PEX14: variants seen among roughly 807,000 people sequenced by gnomAD.
The protein encoded by PEX14 is peroxisomal membrane protein PEX14.
Under a neutral mutation model 49.5 loss-of-function variants are expected in PEX14, and 15 were observed. The observed-to-expected ratio is 0.30, with a 90% CI of 0.20 to 0.47. The LOEUF is 0.47. Ranked by LOEUF, PEX14 falls within the 20% of genes least tolerant of loss-of-function variation. The pLI, the probability that PEX14 is intolerant of heterozygous loss-of-function variation, is 1.00. For synonymous variants in PEX14, 210 were observed against 212.7 expected, an observed-to-expected ratio of 0.99 and a Z score of 0.11; for missense variants, 398 against 494.8, an observed-to-expected ratio of 0.80 and a Z score of 1.86.
rs36083022 is a variant in PEX14, at chr1:10,629,621, G to A, written c.768G>A (p.Val256=). Residue 256 remains valine, a synonymous_variant, in exon 9 of 9, where the codon GTG becomes GTA. Coordinates refer to ENST00000356607, the MANE Select transcript of PEX14 (RefSeq NM_004565.3). This position sits in a 1 kb window ranked among gnomAD's most constrained non-coding sequence, Gnocchi z 8.5. ...KSPSPSSPAA[V]NHHSSSDISP... Reference sequence around the variant, plus strand: ...CGTCACCCTCCAGCCCTGCGGCCGTGAACCACCACAGCAGCAGCGACATCT... The same window carrying A: ...CGTCACCCTCCAGCCCTGCGGCCGTAAACCACCACAGCAGCAGCGACATCT... The A allele has an allele frequency of 0.014, 23,271 of 1,613,660 alleles. 193 individuals carry two copies. Among genetic ancestry groups the A allele is most frequent in the Non-Finnish European group, 0.018 (20,957 of 1,179,826 alleles).
chr1:10,614,154 G>T (rs1345369871), intron 4 of PEX14, among the ~76,000 whole-genome samples: 1 of 152,204 alleles, frequency 6.6e-6, no homozygotes, highest in Non-Finnish European at 1.5e-5. Context: ...GCAGTAGCCT[G>T]GTCTGTTACC....
In PEX14 at chr1:10,495,457, C is replaced by A; in HGVS notation, c.84+136C>A. The A allele has an allele frequency of 1.4e-6, 1 of 732,204 alleles. No individual in the cohort carries two copies. The allele number at this position is 732,204 out of a possible 1,614,324, so 45.4% of individuals were successfully genotyped here. On this transcript the variant is annotated intron_variant, in intron 2 of 8. Transcript: ENST00000356607. This position sits in a 1 kb window ranked among gnomAD's most constrained non-coding sequence, Gnocchi z 4.2. ...GCTGTTACCTAGAGACTGCCTCTGT[C>A]AGTGACCTCTGACTTCTCTTCTCGC...
intron 3 of PEX14, among the ~76,000 whole-genome samples, chr1:10,563,307 A>G (rs1383610061): frequency 6.7e-6 from 1 of 149,866 alleles, no homozygotes; most frequent in Non-Finnish European, 1.5e-5. Flanking sequence ...CACTTTAAAA[A>G]TGTTATTTCA....
At chr1:10,530,632 C>T (rs1279558239) in intron 2 of PEX14, among the ~76,000 whole-genome samples, 2 of 152,226 alleles carry the variant, frequency 1.3e-5, no homozygotes, top group Non-Finnish European at 2.9e-5. Context: ...TGAATTTTGG[C>T]TGACCGAGCC....
At chr1:10,477,554 G>A (rs1358279263) in intron 1 of PEX14, among the ~76,000 whole-genome samples, 2 of 152,164 alleles carry the variant, frequency 1.3e-5, no homozygotes, top group Non-Finnish European at 2.9e-5. Context: ...ATTCCCCCAC[G>A]CCTTGTTGTG....
chr1:10,564,602 T>C (rs1304291485), intron 3 of PEX14, among the ~76,000 whole-genome samples: 12 of 148,458 alleles, frequency 8.1e-5, no homozygotes, highest in Admixed American at 5.4e-4. Context: ...TTTCTTTTTT[T>C]TTTTTTTTTT....
At chr1:10,583,764 G>A (rs1279622027) in intron 3 of PEX14, among the ~76,000 whole-genome samples, 1 of 152,114 alleles carries the variant, frequency 6.6e-6, no homozygotes, top group Non-Finnish European at 1.5e-5. Context: ...GCAAAAACTT[G>A]AAGAAAACGA....
At chr1:10,593,281 T>C (rs563912713) in intron 3 of PEX14, among the ~76,000 whole-genome samples, 30 of 152,366 alleles carry the variant, frequency 2.0e-4, no homozygotes, top group African/African-American at 6.7e-4. Flanking sequence ...CTTGGTTAGA[T>C]ATCTTTCTTT....
chr1:10,621,170 C>G (rs1344582031), intron 5 of PEX14, among the ~76,000 whole-genome samples: 1 of 150,190 alleles, frequency 6.7e-6, no homozygotes, highest in East Asian at 1.9e-4. Context: ...TCTAAAGCAT[C>G]TGCTCAGTTT....
Position 10,587,895 on chromosome 1 carries a change from C to CTTTTTT in PEX14, c.170-11323_170-11318dup, listed in dbSNP as rs762006360. On this transcript the variant is annotated intron_variant, in intron 3 of 8. Coordinates refer to ENST00000356607, the MANE Select transcript of PEX14 (RefSeq NM_004565.3). ...ACACACATATGTATACACACATGTG[C>CTTTTTT]TTTTTTTTTTTTTTTTTTTTTTTTT... is the stretch of plus-strand genomic sequence containing the variant. 5.5e-4 allele frequency among the ~76,000 whole-genome samples: 30 copies of CTTTTTT among 54,374 alleles called. 1 individual carries two copies. In the East Asian group the frequency reaches 0.018, roughly 33 times the overall value. The allele number at this position is 54,374 out of a possible 152,430, so 35.7% of individuals were successfully genotyped here. A position where few individuals can be genotyped will look rare whatever the true frequency, so the allele number is the denominator to read the frequency against.
intron 2 of PEX14, among the ~76,000 whole-genome samples, chr1:10,518,883 G>C (rs1003823950): frequency 6.6e-6 from 1 of 152,064 alleles, no homozygotes; most frequent in Non-Finnish European, 1.5e-5. Context: ...TGTTAGTGCC[G>C]GTGAAGGGGA....
intron 2 of PEX14, among the ~76,000 whole-genome samples, chr1:10,497,202 G>A (rs894782839): frequency 2.0e-5 from 3 of 152,172 alleles, no homozygotes; most frequent in Non-Finnish European, 4.4e-5. Flanking sequence ...GCTGAGTCGC[G>A]TGGTCTTGTG....
Position 10,507,506 on chromosome 1 carries a change from C to T in PEX14, c.84+12185C>T, listed in dbSNP as rs533048674. Among the ~76,000 whole-genome samples the T allele has an allele frequency of 5.3e-5, 8 of 152,284 alleles. No individual in the cohort carries two copies. In the South Asian group the frequency reaches 1.7e-3, roughly 32 times the overall value. The stretch of plus-strand genomic sequence containing the variant: ...TGTGCCTCCTTGTGCTCAGAGGAGG[C>T]GTCTGCACCCATGTACCTCACTAAT... On this transcript the variant is annotated intron_variant, in intron 2 of 8. Transcript: ENST00000356607.
rs1458770721 is a variant in PEX14 at position 10,623,617 on chromosome 1, C to T, written c.487+496C>T. On this transcript the variant is annotated intron_variant, in intron 6 of 8. Coordinates refer to ENST00000356607, the MANE Select transcript of PEX14 (RefSeq NM_004565.3). This position sits in a 1 kb window ranked among gnomAD's most constrained non-coding sequence, Gnocchi z 4.4. ...CCCAGATTAGCTGGGACCTGTCGCG[C>T]CAGAGGTGGCTTCTCTTCTTTATAA... Among the ~76,000 whole-genome samples, 1 of 152,214 alleles carries T rather than the reference C, an allele frequency of 6.6e-6. No homozygotes were observed. Among genetic ancestry groups the T allele is most frequent in the Non-Finnish European group, 1.5e-5 (1 of 68,044 alleles).
intron 3 of PEX14, among the ~76,000 whole-genome samples, chr1:10,568,524 ATAT>A (rs1472774113): frequency 6.6e-6 from 1 of 152,128 alleles, no homozygotes; most frequent in Non-Finnish European, 1.5e-5. Context: ...AATCATTATT[ATAT>A]TATTAATATG....
At chr1:10,594,636 T>C (rs1317104592) in intron 3 of PEX14, among the ~76,000 whole-genome samples, 1 of 152,230 alleles carries the variant, frequency 6.6e-6, no homozygotes, top group Non-Finnish European at 1.5e-5. Flanking sequence ...CTGTCTTCTG[T>C]CATCTGTCTT....
chr1:10,569,873 A>T (rs1245788938), intron 3 of PEX14, among the ~76,000 whole-genome samples: 1 of 152,050 alleles, frequency 6.6e-6, no homozygotes, highest in Non-Finnish European at 1.5e-5. Flanking sequence ...TGAAAGCTTT[A>T]CCGCTTGTCT....
chr1:10,624,231 A>G, intron 6 of PEX14, 109 bp from the exon 7 acceptor site: 1 of 798,726 alleles, frequency 1.3e-6, no homozygotes, highest in African/African-American at 1.7e-5. Flanking sequence ...GTGTCTGCAG[A>G]TAAATTAGAT....
At chr1:10,480,869 ATT>A (rs1316827044) in intron 1 of PEX14, among the ~76,000 whole-genome samples, 2,910 of 139,042 alleles carry the variant, frequency 0.021, 87 homozygotes, top group African/African-American at 0.074. Flanking sequence ...CTATATATAT[ATT>A]TTTTTTTTTG....
Sources: allele counts gnomAD v4.1 joint callset (sites outside exome capture counted in the v4.1 genomes callset), GRCh38; gene constraint gnomAD v4.1.1; non-coding constraint Gnocchi (gnomAD v3.1); transcripts MANE v1.5; gene names NCBI Gene and HGNC (gene_info 2026-07-23, HGNC 2026-07-21).